The following NXPH1 variants were observed in gnomAD, a reference collection of about 807,000 sequenced individuals.
The protein encoded by NXPH1 is neurexophilin 1.
NXPH1 carries 5 observed loss-of-function variants against 23.7 expected under a neutral mutation model. The ratio of observed to expected loss-of-function variants is 0.21; its 90% CI spans 0.11 to 0.44. The LOEUF (loss-of-function observed/expected upper bound fraction) is 0.44, where lower values mean the gene tolerates loss of function less well. Among genes scored for constraint, NXPH1 ranks in the 20% least tolerant of loss-of-function variants. NXPH1 has a pLI of 0.99. For missense variants in NXPH1, 324 were observed against 321.6 expected (o/e 1.01, Z -0.06); for synonymous variants, 144 against 122.2 (o/e 1.18, Z -1.18).
At chr7:8,628,531 C>T (rs972004472) in intron 2 of NXPH1, among the ~76,000 whole-genome samples, 1 of 151,522 alleles carries the variant, frequency 6.6e-6, no homozygotes, top group Non-Finnish European at 1.5e-5. Context: ...AGAAAAATTA[C>T]AAGTTAAACT....
At chr7:8,473,646 A>G (rs1816911367) in intron 2 of NXPH1, among the ~76,000 whole-genome samples, 1 of 151,592 alleles carries the variant, frequency 6.6e-6, no homozygotes, top group South Asian at 2.1e-4. Flanking sequence ...TGTTTTCTGT[A>G]TAAATAAGCT....
intron 2 of NXPH1, among the ~76,000 whole-genome samples, chr7:8,475,339 C>A (rs1816951797): frequency 6.6e-6 from 1 of 152,034 alleles, no homozygotes; most frequent in African/African-American, 2.4e-5. Flanking sequence ...CCTTTCTGTT[C>A]TATAACTAAA....
intron 2 of NXPH1, among the ~76,000 whole-genome samples, chr7:8,723,202 T>C (rs753293503): frequency 5.9e-5 from 9 of 152,188 alleles, no homozygotes; most frequent in Non-Finnish European, 1.2e-4. Flanking sequence ...TAACTGCCTG[T>C]TTCAAAGCAA....
At chr7:8,598,998 A>T (rs1819293928) in intron 2 of NXPH1, among the ~76,000 whole-genome samples, 1 of 152,146 alleles carries the variant, frequency 6.6e-6, no homozygotes, top group South Asian at 2.1e-4. Context: ...GCATTGTGCT[A>T]AATTTATTGG....
At chr7:8,546,867 A>G (rs1243516389) in intron 2 of NXPH1, among the ~76,000 whole-genome samples, 1 of 151,434 alleles carries the variant, frequency 6.6e-6, no homozygotes, top group Non-Finnish European at 1.5e-5. Flanking sequence ...AAGAACAGTA[A>G]TATCTGGTTT....
chr7:8,634,938 C>T (rs1457816155), intron 2 of NXPH1, among the ~76,000 whole-genome samples: 2 of 152,100 alleles, frequency 1.3e-5, no homozygotes, highest in Non-Finnish European at 2.9e-5. Flanking sequence ...GTATAACTTT[C>T]TGCTGTGTGT....
chr7:8,460,904 AT>A (rs1816683424), intron 2 of NXPH1, among the ~76,000 whole-genome samples: 1 of 152,210 alleles, frequency 6.6e-6, no homozygotes, highest in African/African-American at 2.4e-5. Context: ...GAAATAATCC[AT>A]GTGAAAGTAC....
chr7:8,549,291 G>A (rs983203857), intron 2 of NXPH1, among the ~76,000 whole-genome samples: 2 of 151,446 alleles, frequency 1.3e-5, no homozygotes, highest in South Asian at 2.1e-4. Context: ...GAGTTAACTC[G>A]TGACTGACAT....
chr7:8,485,305 C>T (rs1180316546), intron 2 of NXPH1, among the ~76,000 whole-genome samples: 1 of 152,072 alleles, frequency 6.6e-6, no homozygotes, highest in Admixed American at 6.5e-5. Flanking sequence ...CCTCCCCAGA[C>T]ATGTGGAACT....
chr7:8,457,320 A>C (rs921533426), intron 2 of NXPH1, among the ~76,000 whole-genome samples: 5 of 152,128 alleles, frequency 3.3e-5, no homozygotes, highest in African/African-American at 4.8e-5. Flanking sequence ...GCCTCTTCCT[A>C]AATGGGGGAA....
intron 2 of NXPH1, among the ~76,000 whole-genome samples, chr7:8,436,914 G>T (rs1214176441): frequency 6.6e-6 from 1 of 152,234 alleles, no homozygotes; most frequent in Non-Finnish European, 1.5e-5. Context: ...TTGCCCTGGT[G>T]CATGTGGCTG....
intron 2 of NXPH1, among the ~76,000 whole-genome samples, chr7:8,679,819 G>A (rs575863045): frequency 6.6e-6 from 1 of 152,164 alleles, no homozygotes; most frequent in East Asian, 1.9e-4. Context: ...TCAGGAGTTC[G>A]AGACCAGCCT....
intron 2 of NXPH1, among the ~76,000 whole-genome samples, chr7:8,693,947 T>C (rs1228970698): frequency 6.6e-6 from 1 of 152,224 alleles, no homozygotes; most frequent in East Asian, 1.9e-4. Flanking sequence ...TTCTATTACT[T>C]ATGTAATCAT....
chr7:8,671,301 C>T (rs1583223855), intron 2 of NXPH1, among the ~76,000 whole-genome samples: 2 of 152,100 alleles, frequency 1.3e-5, no homozygotes, highest in Non-Finnish European at 2.9e-5. Flanking sequence ...TATTAAGCAC[C>T]CAGCTGTCTT....
chr7:8,440,255 A>G (rs1021436993), intron 2 of NXPH1, among the ~76,000 whole-genome samples: 2 of 152,210 alleles, frequency 1.3e-5, no homozygotes. Flanking sequence ...TTGACCAAGA[A>G]AGCAGCTCGC....
chr7:8,644,556 T>A (rs1368904358), intron 2 of NXPH1, among the ~76,000 whole-genome samples: 1 of 151,910 alleles, frequency 6.6e-6, no homozygotes, highest in Non-Finnish European at 1.5e-5. Flanking sequence ...CAGTTATTGT[T>A]GAATTCTTAT....
intron 2 of NXPH1, among the ~76,000 whole-genome samples, chr7:8,599,806 G>A (rs1048284064): frequency 3.9e-4 from 31 of 79,172 alleles, no homozygotes; most frequent in African/African-American, 1.9e-3. Context: ...TAGATAGGAA[G>A]ATTTTTTTTT....
intron 2 of NXPH1, among the ~76,000 whole-genome samples, chr7:8,552,010 C>T (rs1466302088): frequency 6.7e-6 from 1 of 149,670 alleles, no homozygotes; most frequent in African/African-American, 2.5e-5. Context: ...GTTTGCTTAG[C>T]TGCAAAATTT....
intron 2 of NXPH1, among the ~76,000 whole-genome samples, chr7:8,516,615 C>T (rs141475025): frequency 7.7e-4 from 117 of 152,184 alleles, no homozygotes; most frequent in African/African-American, 2.6e-3. Context: ...CATACTTGCC[C>T]AAGGCCAACA....
Sources: allele counts gnomAD v4.1 joint callset (sites outside exome capture counted in the v4.1 genomes callset), GRCh38; gene constraint gnomAD v4.1.1; transcripts MANE v1.5; gene names NCBI Gene and HGNC (gene_info 2026-07-23, HGNC 2026-07-21).